The following SYNE1 variants were observed in gnomAD, a reference collection of about 807,000 sequenced individuals.
SYNE1 encodes the protein nesprin-1.
In SYNE1, 616 loss-of-function variants were observed where a neutral mutation model predicts 1,111.0. That is an observed-to-expected ratio of 0.55 (90% CI 0.52 to 0.59). The LOEUF is 0.59. Among genes scored for constraint, SYNE1 ranks in the 20% least tolerant of loss-of-function variants. The pLI is 0.00. For missense variants in SYNE1, 10,006 were observed against 10,417.0 expected, an observed-to-expected ratio of 0.96 and a Z score of 1.72; for synonymous variants, 3,855 against 3,825.8, an observed-to-expected ratio of 1.01 and a Z score of -0.28.
chr6:152,481,536 AC>A (rs2098899049), intron 14 of SYNE1: 1 of 453,724 alleles, frequency 2.2e-6, no homozygotes, highest in African/African-American at 2.0e-5. Context: ...ATGCACATGT[AC>A]CCCCTGAATC....
chr6:152,602,212 T>C (rs2099597846), intron 3 of SYNE1, among the ~76,000 whole-genome samples: 1 of 152,116 alleles, frequency 6.6e-6, no homozygotes, highest in South Asian at 2.1e-4. Flanking sequence ...AATGTGACCT[T>C]ATTTAGAGAT....
chr6:152,408,082 G>A (rs1465583529), intron 44 of SYNE1, among the ~76,000 whole-genome samples: 2 of 151,996 alleles, frequency 1.3e-5, no homozygotes, highest in African/African-American at 4.8e-5. Flanking sequence ...TCTTTTAAAA[G>A]TGGAAGCATG....
At chr6:152,230,196 G>A (rs756656343) in intron 115 of SYNE1, among the ~76,000 whole-genome samples, 1 of 151,994 alleles carries the variant, frequency 6.6e-6, no homozygotes, top group Non-Finnish European at 1.5e-5. Flanking sequence ...CACCACGTCT[G>A]GCTGATTTTT....
chr6:152,326,492 T>C lies in SYNE1; in HGVS notation c.15097A>G (p.Lys5033Glu), dbSNP rs1295214832. 3 of 1,613,860 alleles carry C rather than the reference T, an allele frequency of 1.9e-6. No individual in the cohort carries two copies. The highest frequency in any genetic ancestry group is 2.5e-6 in the Non-Finnish European group (3 of 1,179,830). The change falls in exon 79 of 146, where the codon AAA (lysine) becomes GAA (glutamate). Residue 5033 changes from lysine to glutamate, a missense_variant. By Grantham distance (56) the Lys-to-Glu change is moderately conservative. Transcript: ENST00000367255. The part of the protein sequence containing the change: ...LDVESAEENL[K>E]SHMEFFSTED... ...GTACTGAAAAATTCCATGTGGCTTTTGAGATTTTCCTCTGCGCTCTCCACG... is the reference window on the plus strand; with the variant it reads ...GTACTGAAAAATTCCATGTGGCTTTCGAGATTTTCCTCTGCGCTCTCCACG...
At chr6:152,295,426 C>T (rs779307598) in intron 93 of SYNE1, among the ~76,000 whole-genome samples, 2 of 152,188 alleles carry the variant, frequency 1.3e-5, no homozygotes, top group Non-Finnish European at 2.9e-5. Flanking sequence ...ACTCCCACCC[C>T]ACTTCAGTCC....
chr6:152,441,459 CAA>C (rs2098529507), intron 31 of SYNE1, among the ~76,000 whole-genome samples, 189 bp from the exon 32 acceptor site: 2 of 152,014 alleles, frequency 1.3e-5, no homozygotes, highest in South Asian at 4.1e-4. Flanking sequence ...TTTTCATCTA[CAA>C]AAAGAGAGGA....
At chr6:152,390,963 A>C (rs1381599222) in intron 52 of SYNE1, among the ~76,000 whole-genome samples, 2 of 152,220 alleles carry the variant, frequency 1.3e-5, no homozygotes, top group Non-Finnish European at 2.9e-5. Context: ...GAACTCCTAG[A>C]AAATGGGTCC....
chr6:152,176,324 T>G, intron 130 of SYNE1, 70 bp downstream of exon 130: 1 of 1,597,784 alleles, frequency 6.3e-7, no homozygotes, highest in Non-Finnish European at 8.6e-7. Flanking sequence ...TATCTTTGGC[T>G]GATGAAAGGC....
intron 10 of SYNE1, among the ~76,000 whole-genome samples, chr6:152,499,385 T>C (rs2099016507): frequency 6.6e-6 from 1 of 152,082 alleles, no homozygotes; most frequent in South Asian, 2.1e-4. Flanking sequence ...CCCATGGTGA[T>C]GTCGATTTTC....
intron 3 of SYNE1, among the ~76,000 whole-genome samples, chr6:152,560,040 TC>T (rs1411342519): frequency 6.6e-6 from 1 of 151,918 alleles, no homozygotes; most frequent in Non-Finnish European, 1.5e-5. Flanking sequence ...ACACGTACAA[TC>T]TACCAAAACT....
chr6:152,401,553 T>C (rs1421043227), intron 46 of SYNE1, among the ~76,000 whole-genome samples: 1 of 152,110 alleles, frequency 6.6e-6, no homozygotes, highest in Non-Finnish European at 1.5e-5. Flanking sequence ...AGAGGAAGGA[T>C]TGTGTTAACA....
chr6:152,302,083 AC>A lies in SYNE1; in HGVS notation c.17347-21del. Reference sequence around the variant, plus strand: ...CAGCTCCTGAGGAAACATTTCCCCCACCGGGGTGTCAGAGCAGCATCAAAAG... The same window carrying A: ...CAGCTCCTGAGGAAACATTTCCCCCACGGGGTGTCAGAGCAGCATCAAAAG... On this transcript the variant is annotated intron_variant, in intron 91 of 145. Transcript: ENST00000367255. 6.2e-7 allele frequency: 1 copy of A among 1,614,066 alleles called. No homozygotes were observed. Among genetic ancestry groups the A allele is most frequent in the Non-Finnish European group, 8.5e-7 (1 of 1,179,968 alleles).
chr6:152,300,672 G>C lies in SYNE1; in HGVS notation c.17651C>G (p.Pro5884Arg), dbSNP rs761761912. 7 of 1,614,208 alleles carry C rather than the reference G, an allele frequency of 4.3e-6. No individual in the cohort carries two copies. The East Asian group carries it at 1.6e-4, about 36-fold the overall frequency. The part of the protein sequence containing the change: ...SSPPACRSPS[P>R]VANTDASVNQ... The stretch of plus-strand genomic sequence containing the variant: ...AACAGAAGCATCTGTATTAGCCACA[G>C]GTGAAGGGGAGCGACAGGCAGGTGG... Residue 5884 changes from proline to arginine, a missense_variant, in exon 93 of 146, where the codon CCT becomes CGT. By Grantham distance (103) the Pro-to-Arg change is moderately radical. Around this residue, in one of 7 missense-constraint regions of SYNE1, gnomAD observed 4,955 missense variants for 5,017.2 expected, o/e 0.99. Transcript: ENST00000367255.
chr6:152,278,110 A>G lies in SYNE1; in HGVS notation c.18552T>C (p.His6184=). The G allele has an allele frequency of 6.2e-7, 1 of 1,613,992 alleles. No homozygotes were observed. Residue 6184 remains histidine, a synonymous_variant, in exon 98 of 146, where the codon CAT becomes CAC. Coordinates refer to ENST00000367255, the MANE Select transcript of SYNE1 (RefSeq NM_182961.4). ...GSLLELQRAL[H]DKQLNMQGTA... ...TCACCTGCATGTTGAGCTGCTTATC[A>G]TGCAGGGCTCTCTGCAGCTCCAGCA...
chr6:152,299,729 T>C, intron 93 of SYNE1, among the ~76,000 whole-genome samples: 1 of 151,952 alleles, frequency 6.6e-6, no homozygotes, highest in East Asian at 1.9e-4. Context: ...ATCACAGAAA[T>C]CCTATGACAG....
intron 30 of SYNE1, among the ~76,000 whole-genome samples, chr6:152,443,556 G>A (rs951400590): frequency 2.0e-5 from 3 of 152,200 alleles, no homozygotes; most frequent in African/African-American, 7.2e-5. Context: ...GAGCCACCGT[G>A]CCCGGCCTAT....
intron 34 of SYNE1, among the ~76,000 whole-genome samples, 186 bp from the exon 35 acceptor site, chr6:152,430,895 A>G (rs2154203277): frequency 6.6e-6 from 1 of 152,272 alleles, no homozygotes; most frequent in Middle Eastern, 3.4e-3. Context: ...TGTCTGCAAA[A>G]TACAGTGATG....
chr6:152,170,032 A>G (rs2064791446), intron 130 of SYNE1, among the ~76,000 whole-genome samples: 1 of 152,160 alleles, frequency 6.6e-6, no homozygotes, highest in Non-Finnish European at 1.5e-5. Context: ...ATTATGACTA[A>G]CATTTTAAAA....
chr6:152,571,247 C>T (rs1331769122), intron 3 of SYNE1, among the ~76,000 whole-genome samples: 19 of 152,130 alleles, frequency 1.2e-4, no homozygotes, highest in Admixed American at 1.2e-3. Context: ...TGCTTAAGAA[C>T]AGGAAGCAAA....
Sources: gnomAD v4.1 joint callset for allele counts (sites outside exome capture counted in the v4.1 genomes callset) on GRCh38, gnomAD v4.1.1 for gene constraint, gnomAD v4.1.1 regional missense constraint, MANE v1.5 for transcripts, NCBI Gene and HGNC (gene_info 2026-07-23, HGNC 2026-07-21) for gene names.